Variants in MGMT observed in about 807,000 individuals in gnomAD.
The protein encoded by MGMT is O-6-methylguanine-DNA methyltransferase.
MGMT carries 14 observed loss-of-function variants against 15.9 expected under a neutral mutation model. The ratio of observed to expected loss-of-function variants is 0.88; its 90% CI spans 0.58 to 1.37. The LOEUF (loss-of-function observed/expected upper bound fraction) is 1.37, where lower values mean the gene tolerates loss of function less well. MGMT is among the 40% of genes most tolerant of loss of function. The pLI is 0.00. For synonymous variants in MGMT, 130 were observed against 118.2 expected (o/e 1.10, Z -0.65); for missense variants, 282 against 268.1 (o/e 1.05, Z -0.36).
chr10:129,742,309 ACT>A (rs912459022), intron 3 of MGMT, among the ~76,000 whole-genome samples: 1 of 152,148 alleles, frequency 6.6e-6, no homozygotes, highest in African/African-American at 2.4e-5. Flanking sequence ...ATCTCCAGTA[ACT>A]CTACCATCCG....
At chr10:129,646,719 AAT>A (rs10543851) in intron 2 of MGMT, among the ~76,000 whole-genome samples, 6,817 of 81,412 alleles carry the variant, frequency 0.084, 505 homozygotes, top group East Asian at 0.17. Flanking sequence ...GCCCATCAGA[AAT>A]ATATATATAT....
intron 2 of MGMT, among the ~76,000 whole-genome samples, chr10:129,635,760 A>G (rs1473438197): frequency 6.6e-6 from 1 of 152,232 alleles, no homozygotes; most frequent in African/African-American, 2.4e-5. Context: ...TCTGTTAGCA[A>G]TAGACAGACA....
At chr10:129,754,495 A>G (rs1268224418) in intron 3 of MGMT, among the ~76,000 whole-genome samples, 3 of 152,188 alleles carry the variant, frequency 2.0e-5, no homozygotes, top group African/African-American at 7.2e-5. Context: ...TTGCTTAGGG[A>G]GGAGCTGACG....
intron 4 of MGMT, 95 bp downstream of exon 4, chr10:129,759,436 T>A: frequency 6.3e-7 from 1 of 1,577,574 alleles, no homozygotes; most frequent in Non-Finnish European, 8.6e-7. Context: ...GAAGGCAGGC[T>A]GTGCTGCTGG....
intron 2 of MGMT, among the ~76,000 whole-genome samples, chr10:129,583,212 G>T (rs1233517222): frequency 6.6e-6 from 1 of 152,140 alleles, no homozygotes; most frequent in African/African-American, 2.4e-5. Context: ...GTAGTAATAA[G>T]TTAAATTAAC....
chr10:129,712,362 A>G (rs1421148534), intron 3 of MGMT, among the ~76,000 whole-genome samples: 3 of 152,200 alleles, frequency 2.0e-5, no homozygotes, highest in Non-Finnish European at 2.9e-5. Context: ...AATATTTAAC[A>G]CTTTAATAAT....
intron 2 of MGMT, among the ~76,000 whole-genome samples, chr10:129,641,061 G>T (rs1040961962): frequency 6.6e-6 from 1 of 152,094 alleles, no homozygotes; most frequent in Non-Finnish European, 1.5e-5. Context: ...AAATGATTTT[G>T]GAAAAGTAAG....
intron 1 of MGMT, among the ~76,000 whole-genome samples, chr10:129,494,116 T>C (rs1402878382): frequency 5.3e-5 from 8 of 152,228 alleles, no homozygotes; most frequent in Non-Finnish European, 1.5e-5. Flanking sequence ...TGCACAAAGA[T>C]GTTTAATATA....
chr10:129,628,224 C>T (rs1420374902), intron 2 of MGMT, among the ~76,000 whole-genome samples: 1 of 152,146 alleles, frequency 6.6e-6, no homozygotes, highest in Admixed American at 6.5e-5. Context: ...TCATCAAAAA[C>T]CATAACTTCA....
intron 2 of MGMT, among the ~76,000 whole-genome samples, chr10:129,689,859 C>T (rs1005874607): frequency 2.0e-5 from 3 of 152,194 alleles, no homozygotes; most frequent in African/African-American, 7.2e-5. Context: ...AAAACAATGC[C>T]TGGGAAAAGA....
chr10:129,537,310 A>T (rs1405692373), intron 2 of MGMT: 1 of 152,240 alleles, frequency 6.6e-6, no homozygotes, highest in Non-Finnish European at 1.5e-5. Flanking sequence ...AAGCGCAGTC[A>T]TAAATATCAG....
At chr10:129,575,378 T>A (rs78693802) in intron 2 of MGMT, among the ~76,000 whole-genome samples, 18 of 145,666 alleles carry the variant, frequency 1.2e-4, no homozygotes, top group African/African-American at 3.5e-4. Flanking sequence ...GGATTAAGAA[T>A]CTCACTCAAA....
At chr10:129,657,541 G>A (rs12253346) in intron 2 of MGMT, among the ~76,000 whole-genome samples, 1 of 151,746 alleles carries the variant, frequency 6.6e-6, no homozygotes, top group Non-Finnish European at 1.5e-5. Flanking sequence ...GTGCTGGTCA[G>A]TGTCTTGGAG....
intron 2 of MGMT, among the ~76,000 whole-genome samples, chr10:129,601,375 A>C (rs1285328255): frequency 1.3e-5 from 2 of 152,228 alleles, no homozygotes; most frequent in Admixed American, 6.5e-5. Flanking sequence ...CTTCTGTTTA[A>C]TCAGAGTTTC....
intron 2 of MGMT, among the ~76,000 whole-genome samples, chr10:129,683,780 T>C (rs567843631): frequency 6.6e-6 from 1 of 152,320 alleles, no homozygotes; most frequent in Admixed American, 6.5e-5. Flanking sequence ...AATCTGCTCC[T>C]ATAATTGCTG....
intron 2 of MGMT, among the ~76,000 whole-genome samples, chr10:129,590,724 C>T (rs972994723): frequency 3.9e-5 from 6 of 152,126 alleles, no homozygotes; most frequent in Admixed American, 1.3e-4. Flanking sequence ...ATAGGGTATA[C>T]GGGCATTTAA....
intron 2 of MGMT, among the ~76,000 whole-genome samples, chr10:129,613,925 A>G (rs1846991333): frequency 1.3e-5 from 2 of 152,198 alleles, no homozygotes; most frequent in Non-Finnish European, 2.9e-5. Context: ...GTGGACATGC[A>G]TTTTGGTTTT....
intron 3 of MGMT, among the ~76,000 whole-genome samples, chr10:129,732,749 T>G (rs1459504791): frequency 2.2e-5 from 3 of 134,740 alleles, no homozygotes; most frequent in African/African-American, 8.3e-5. Flanking sequence ...GATGTTCGCC[T>G]TCCTGTGTCC....
At position 129,598,879 on chromosome 10, in the gene MGMT, G is replaced by A. The variant is rs149169837; in HGVS notation, c.125+62502G>A. Among the ~76,000 whole-genome samples the A allele has an allele frequency of 5.4e-3, 818 of 152,268 alleles. 10 individuals carry two copies. Among genetic ancestry groups the A allele is most frequent in the South Asian group, 0.041 (196 of 4,824 alleles). ...GCTGAACACATGCCCTGAGCTGCTT[G>A]TTTTGACAGGGACATCATTTTTAAA... On this transcript the variant is annotated intron_variant, in intron 2 of 4. Transcript: ENST00000651593.
Sources: gnomAD v4.1 joint callset for allele counts (sites outside exome capture counted in the v4.1 genomes callset) on GRCh38, gnomAD v4.1.1 for gene constraint, MANE v1.5 for transcripts, NCBI Gene and HGNC (gene_info 2026-07-23, HGNC 2026-07-21) for gene names.